POMT2: variants seen among roughly 807,000 people sequenced by gnomAD.
POMT2 encodes the protein protein O-mannosyl-transferase 2.
In POMT2, 75 loss-of-function variants were observed where a neutral mutation model predicts 100.0. That is an observed-to-expected ratio of 0.75 (90% CI 0.62 to 0.91). POMT2 has a LOEUF of 0.91. Ranked by LOEUF, POMT2 falls within the 40% of genes least tolerant of loss-of-function variation. POMT2 has a pLI of 0.00. For synonymous variants in POMT2, 378 were observed against 374.1 expected, an observed-to-expected ratio of 1.01 and a Z score of -0.12; for missense variants, 940 against 955.1, an observed-to-expected ratio of 0.98 and a Z score of 0.21.
intron 8 of POMT2, chr14:77,296,645 C>T (rs1890842592): frequency 3.5e-6 from 1 of 283,510 alleles, no homozygotes; most frequent in Non-Finnish European, 6.9e-6. Context: ...CAAGATACAG[C>T]ATTTTGACAA....
chr14:77,317,361 T>TA (rs2139536712), intron 1 of POMT2, among the ~76,000 whole-genome samples: 1 of 152,376 alleles, frequency 6.6e-6, no homozygotes, highest in African/African-American at 2.4e-5. Context: ...ACTCTGTGTA[T>TA]ACCACTGTGG....
chr14:77,300,225 T>A (rs920000483), intron 6 of POMT2: 1 of 159,882 alleles, frequency 6.3e-6, no homozygotes, highest in African/African-American at 2.4e-5. Flanking sequence ...TTGGAGGTGA[T>A]GGAGCAGCAC....
chr14:77,305,768 G>C lies in POMT2; in HGVS notation c.438+569C>G, dbSNP rs1891204393. Reference sequence around the variant, plus strand: ...TAAGGCCCTGCCATGTTCCATCAAGGCTGGTGCTGTAAATCAGGACACAGA... The same window carrying C: ...TAAGGCCCTGCCATGTTCCATCAAGCCTGGTGCTGTAAATCAGGACACAGA... On this transcript the variant is annotated intron_variant, in intron 3 of 20. Coordinates refer to ENST00000261534, the MANE Select transcript of POMT2 (RefSeq NM_013382.7). Among the ~76,000 whole-genome samples the C allele has an allele frequency of 3.3e-5, 5 of 152,346 alleles. No individual in the cohort carries two copies. In the South Asian group the frequency reaches 1.0e-3, roughly 32 times the overall value.
intron 18 of POMT2, chr14:77,279,573 G>A: frequency 1.6e-6 from 1 of 631,944 alleles, no homozygotes; most frequent in South Asian, 1.5e-5. Flanking sequence ...TTAATCTCAT[G>A]GTTCCTTGGT....
Position 77,303,088 on chromosome 14 carries a change from G to C in POMT2, c.548-145C>G. 11 of 713,822 alleles carry C rather than the reference G, an allele frequency of 1.5e-5. No homozygotes were observed. The South Asian group carries it at 1.7e-4, about 11-fold the overall frequency. The allele number at this position is 713,822 out of a possible 1,614,324, so 44.2% of individuals were successfully genotyped here. A position where few individuals can be genotyped will look rare whatever the true frequency, so the allele number is the denominator to read the frequency against. Reference sequence around the variant, plus strand: ...CAGTCAGGACTAGAGTCAACACTGAGTCATCAGGGAGGTAGAAGGCCACAG... The same window carrying C: ...CAGTCAGGACTAGAGTCAACACTGACTCATCAGGGAGGTAGAAGGCCACAG... On this transcript the variant is annotated intron_variant, in intron 4 of 20. Transcript: ENST00000261534.
chr14:77,295,702 A>G (rs980816036), intron 9 of POMT2, among the ~76,000 whole-genome samples: 2 of 151,778 alleles, frequency 1.3e-5, no homozygotes, highest in East Asian at 1.9e-4. Context: ...GTGACACTCT[A>G]TATGAAAGCA....
Position 77,280,595 on chromosome 14 carries a change from G to A in POMT2, c.1654-132C>T. ...TTCTCTCCTTCCCTTCCCTTGCAGGGAAGAATCAGGCAGCTGCTGTCTGCC... is the reference window on the plus strand; with the variant it reads ...TTCTCTCCTTCCCTTCCCTTGCAGGAAAGAATCAGGCAGCTGCTGTCTGCC... On this transcript the variant is annotated intron_variant, in intron 15 of 20. Coordinates refer to ENST00000261534, the MANE Select transcript of POMT2 (RefSeq NM_013382.7). 5 of 1,539,014 alleles carry A rather than the reference G, an allele frequency of 3.2e-6. No homozygotes were observed. The South Asian group carries it at 3.5e-5, about 11-fold the overall frequency.
chr14:77,291,324 G>A lies in POMT2; in HGVS notation c.1173C>T (p.Asn391=). The change falls in exon 10 of 21, where the codon AAC becomes AAT. Residue 391 remains asparagine (N), a synonymous_variant. Coordinates refer to ENST00000261534, the MANE Select transcript of POMT2 (RefSeq NM_013382.7). The part of the protein sequence containing the change: ...YNNLWIIKKH[N]TNSDPLDPSF... ...CTCTGACCACATTACCTGAGTTTGT[G>A]TTATGTTTCTTGATAATCCACAGGT... The A allele has an allele frequency of 6.2e-7, 1 of 1,604,960 alleles. No homozygotes were observed. Among genetic ancestry groups the A allele is most frequent in the South Asian group, 1.1e-5 (1 of 90,816 alleles).
At chr14:77,314,581 G>A (rs1006208716) in intron 1 of POMT2, among the ~76,000 whole-genome samples, 24 of 152,222 alleles carry the variant, frequency 1.6e-4, no homozygotes, top group African/African-American at 5.1e-4. Context: ...TCCATGGGCA[G>A]GCAATGGGGT....
intron 20 of POMT2, among the ~76,000 whole-genome samples, chr14:77,277,711 A>G (rs1890024020): frequency 6.6e-6 from 1 of 152,192 alleles, no homozygotes; most frequent in South Asian, 2.1e-4. Flanking sequence ...GAGGCCCAGG[A>G]GGGCAACCCT....
chr14:77,282,421 A>G (rs2140175856), intron 15 of POMT2, among the ~76,000 whole-genome samples: 1 of 152,282 alleles, frequency 6.6e-6, no homozygotes, highest in South Asian at 2.1e-4. Context: ...TGCAGTTTCT[A>G]TAGTCTGGAC....
chr14:77,286,959 G>A lies in POMT2; in HGVS notation c.1254-137C>T, dbSNP rs1246456327. Reference sequence around the variant, plus strand: ...CTGAACTATTAAATCCAACATATCAGGAACTGGTTTCCTATTTACTCACAA... The same window carrying A: ...CTGAACTATTAAATCCAACATATCAAGAACTGGTTTCCTATTTACTCACAA... On this transcript the variant is annotated intron_variant, in intron 11 of 20. Coordinates refer to ENST00000261534, the MANE Select transcript of POMT2 (RefSeq NM_013382.7). 2.0e-6 allele frequency: 3 copies of A among 1,506,704 alleles called. No individual in the cohort carries two copies. In the Admixed American group the frequency reaches 6.0e-5, roughly 30 times the overall value. The allele number at this position is 1,506,704 out of a possible 1,614,324, so 93.3% of individuals were successfully genotyped here. A position where few individuals can be genotyped will look rare whatever the true frequency, so the allele number is the denominator to read the frequency against.
At chr14:77,316,571 A>AG (rs1413465010) in intron 1 of POMT2, among the ~76,000 whole-genome samples, 116 of 150,848 alleles carry the variant, frequency 7.7e-4, no homozygotes, top group African/African-American at 2.8e-3. Context: ...ATCTCTAAAA[A>AG]AAAAAAAAAA....
intron 20 of POMT2, among the ~76,000 whole-genome samples, chr14:77,278,009 G>A (rs1019949900): frequency 4.0e-5 from 6 of 151,652 alleles, no homozygotes; most frequent in African/African-American, 1.5e-4. Flanking sequence ...CCCTCACCCG[G>A]AGAGCTGTTC....
In POMT2 at chr14:77,304,768, G is replaced by A. The variant is rs755235327; in HGVS notation, c.471C>T (p.Pro157=). The change falls in exon 4 of 21, where the codon CCC becomes CCT. Residue 157 remains proline (P), a synonymous_variant. Coordinates refer to ENST00000261534, the MANE Select transcript of POMT2 (RefSeq NM_013382.7). ...FCAFLGSWLV[P]FAYLTVLDLS... ...GATCCAGTACAGTGAGGTAGGCAAAGGGGACCAGCCAGGAGCCAAGGAATG... is the reference window on the plus strand; with the variant it reads ...GATCCAGTACAGTGAGGTAGGCAAAAGGGACCAGCCAGGAGCCAAGGAATG... 3.1e-6 allele frequency: 5 copies of A among 1,599,714 alleles called. No homozygotes were observed. The East Asian group carries it at 9.0e-5, about 29-fold the overall frequency.
In POMT2 at chr14:77,320,433, C is replaced by T; in HGVS notation, c.248+1G>A. On this transcript the variant is annotated splice_donor_variant, in intron 1 of 20. Transcript: ENST00000261534. LOFTEE classifies it high-confidence loss of function. Reference sequence around the variant, plus strand: ...CCCGCCGAGTCCCTCCCATCACTCACCAGATGTGCGGCGGCTCGTCCAAGC... The same window carrying T: ...CCCGCCGAGTCCCTCCCATCACTCATCAGATGTGCGGCGGCTCGTCCAAGC... The T allele has an allele frequency of 6.5e-7, 1 of 1,546,660 alleles. No individual in the cohort carries two copies. Among genetic ancestry groups the T allele is most frequent in the Non-Finnish European group, 8.7e-7 (1 of 1,146,866 alleles).
chr14:77,284,228 C>G (rs1461487016), intron 14 of POMT2: 1 of 353,886 alleles, frequency 2.8e-6, no homozygotes, highest in Non-Finnish European at 5.4e-6. Flanking sequence ...TTTGAAGGGC[C>G]TGGGAATGAG....
intron 9 of POMT2, among the ~76,000 whole-genome samples, chr14:77,295,254 A>C (rs779942798): frequency 6.6e-6 from 1 of 152,210 alleles, no homozygotes; most frequent in Non-Finnish European, 1.5e-5. Context: ...CTAATCTTTC[A>C]TAAGCACTTC....
At chr14:77,298,353 T>C (rs576653938) in intron 8 of POMT2, among the ~76,000 whole-genome samples, 3 of 152,326 alleles carry the variant, frequency 2.0e-5, no homozygotes, top group Non-Finnish European at 4.4e-5. Context: ...GATGAACGAA[T>C]GCAACACTCA....
Sources: allele counts gnomAD v4.1 joint callset (sites outside exome capture counted in the v4.1 genomes callset), GRCh38; gene constraint gnomAD v4.1.1; transcripts MANE v1.5; gene names NCBI Gene and HGNC (gene_info 2026-07-23, HGNC 2026-07-21).